The following BTBD16 variants were observed in gnomAD, a reference collection of about 807,000 sequenced individuals.
The protein encoded by BTBD16 is BTB/POZ domain-containing protein 16.
Under a neutral mutation model 67.4 loss-of-function variants are expected in BTBD16, and 66 were observed. The ratio of observed to expected loss-of-function variants is 0.98; its 90% confidence interval spans 0.80 to 1.20. The LOEUF is 1.20. Among genes scored for constraint, BTBD16 ranks in the 50% most tolerant of loss-of-function variants. The pLI is 0.00. For missense variants in BTBD16, 634 were observed against 616.0 expected (o/e 1.03, Z -0.31); for synonymous variants, 242 against 236.4 (o/e 1.02, Z -0.22).
chr10:122,292,764 C>T (rs2096376490), intron 7 of BTBD16, among the ~76,000 whole-genome samples: 1 of 152,206 alleles, frequency 6.6e-6, no homozygotes, highest in Non-Finnish European at 1.5e-5. Context: ...CAACAGTCTC[C>T]ATGACACCAG....
intron 9 of BTBD16, among the ~76,000 whole-genome samples, chr10:122,303,456 G>T (rs148265201): frequency 2.0e-5 from 3 of 152,226 alleles, no homozygotes; most frequent in East Asian, 1.9e-4. Flanking sequence ...AATTGTAAAG[G>T]GTTCTATTGA....
intron 10 of BTBD16, among the ~76,000 whole-genome samples, chr10:122,315,113 C>T (rs542164703): frequency 1.3e-5 from 2 of 152,178 alleles, no homozygotes; most frequent in East Asian, 1.9e-4. Context: ...CTAAATGGTT[C>T]TCAGATTTTC....
Position 122,332,343 on chromosome 10 carries a change from G to GT in BTBD16, c.1087-93_1087-92insT, listed in dbSNP as rs1205722589. On this transcript the variant is annotated intron_variant, in intron 12 of 15. Transcript: ENST00000260723. ...AAACTCTTTTTCAAACCTGGTGAGG[G>GT]GGGCAGGGGTCAAGGAAGAGGCATG... 8.8e-5 allele frequency: 103 copies of GT among 1,172,830 alleles called. No individual in the cohort carries two copies. In the East Asian group the frequency reaches 2.1e-3, roughly 24 times the overall value. The allele number at this position is 1,172,830 out of a possible 1,614,324, so 72.7% of individuals were successfully genotyped here. A position where few individuals can be genotyped will look rare whatever the true frequency, so the allele number is the denominator to read the frequency against.
At chr10:122,323,468 T>C (rs2096439002) in intron 10 of BTBD16, among the ~76,000 whole-genome samples, 1 of 152,204 alleles carries the variant, frequency 6.6e-6, no homozygotes, top group Non-Finnish European at 1.5e-5. Flanking sequence ...TTTTATGGTA[T>C]GTGGGACAGG....
chr10:122,275,773 T>C (rs113234442), intron 2 of BTBD16, among the ~76,000 whole-genome samples: 1 of 152,278 alleles, frequency 6.6e-6, no homozygotes, highest in Non-Finnish European at 1.5e-5. Context: ...CCATGCTGGG[T>C]ATCGTCCTTC....
chr10:122,331,085 C>T (rs980900707), intron 11 of BTBD16, 91 bp from the exon 12 acceptor site: 141 of 1,522,006 alleles, frequency 9.3e-5, no homozygotes, highest in Middle Eastern at 3.7e-4. Flanking sequence ...CCCTCAGCTC[C>T]GGACTTCTTC....
chr10:122,313,113 G>A (rs2096417122), intron 10 of BTBD16, among the ~76,000 whole-genome samples: 1 of 151,542 alleles, frequency 6.6e-6, no homozygotes, highest in Non-Finnish European at 1.5e-5. Context: ...CCTGATCCAG[G>A]TGATCTGCCT....
intron 8 of BTBD16, among the ~76,000 whole-genome samples, chr10:122,298,297 C>T (rs1197200907): frequency 6.6e-6 from 1 of 152,200 alleles, no homozygotes; most frequent in Non-Finnish European, 1.5e-5. Context: ...CTGACTTCAG[C>T]TCTCTCTGTA....
chr10:122,304,132 T>C (rs948284688), intron 9 of BTBD16, among the ~76,000 whole-genome samples: 10 of 152,160 alleles, frequency 6.6e-5, no homozygotes, highest in African/African-American at 2.4e-4. Flanking sequence ...TCATACCAAG[T>C]GCTCTGAGGA....
chr10:122,320,361 G>C (rs1203152340), intron 10 of BTBD16, among the ~76,000 whole-genome samples: 2 of 152,048 alleles, frequency 1.3e-5, no homozygotes, highest in Admixed American at 1.3e-4. Context: ...TCATGTTGAG[G>C]AGGTTCCTTT....
At chr10:122,319,943 A>G (rs2096432677) in intron 10 of BTBD16, among the ~76,000 whole-genome samples, 1 of 152,122 alleles carries the variant, frequency 6.6e-6, no homozygotes, top group Non-Finnish European at 1.5e-5. Flanking sequence ...ATTTATCTCT[A>G]AGGCTTTCAT....
chr10:122,301,755 GTGTGTGC>G (rs936254720), intron 9 of BTBD16, among the ~76,000 whole-genome samples: 6 of 152,244 alleles, frequency 3.9e-5, no homozygotes, highest in Admixed American at 3.3e-4. Flanking sequence ...TAACATTTTG[GTGTGTGC>G]TGTGTGCTAT....
At chr10:122,331,027 C>A in intron 11 of BTBD16, 149 bp from the exon 12 acceptor site, 3 of 966,022 alleles carry the variant, frequency 3.1e-6, no homozygotes, top group Non-Finnish European at 2.9e-6. Flanking sequence ...CGTTTTATTT[C>A]CACTTTGTCA....
chr10:122,273,203 TAAA>T (rs1397883678), intron 1 of BTBD16, among the ~76,000 whole-genome samples: 2 of 126,954 alleles, frequency 1.6e-5, no homozygotes, highest in East Asian at 2.4e-4. Flanking sequence ...TTCATAGAAA[TAAA>T]AACAGCAACA....
intron 6 of BTBD16, among the ~76,000 whole-genome samples, chr10:122,290,682 C>G (rs1203788612): frequency 6.6e-6 from 1 of 152,056 alleles, no homozygotes; most frequent in Non-Finnish European, 1.5e-5. Context: ...TCCCCAGACT[C>G]CAAGGAGAAT....
intron 10 of BTBD16, among the ~76,000 whole-genome samples, chr10:122,323,721 G>A (rs1243961705): frequency 6.6e-6 from 1 of 152,154 alleles, no homozygotes; most frequent in Non-Finnish European, 1.5e-5. Flanking sequence ...AATCAAAGAA[G>A]GTCGATGCTG....
intron 10 of BTBD16, among the ~76,000 whole-genome samples, chr10:122,327,944 C>T (rs1424399113): frequency 1.3e-5 from 2 of 152,220 alleles, no homozygotes; most frequent in South Asian, 2.1e-4. Flanking sequence ...GCCACAGCTC[C>T]AGCCGGGGCC....
chr10:122,295,202 G>C, intron 7 of BTBD16: 1 of 587,540 alleles, frequency 1.7e-6, no homozygotes, highest in African/African-American at 2.0e-5. Context: ...AAGAAGGAAG[G>C]CATGGAAATC....
At position 122,334,998 on chromosome 10, in the gene BTBD16, A is replaced by C. The variant is rs1273477987; in HGVS notation, c.1263+19A>C. ...CATGCAGGTAAGGATAGAGTGCATG[A>C]AAGTTATGTCTCTGAGACAGTCTTT... is the stretch of plus-strand genomic sequence containing the variant. On this transcript the variant is annotated intron_variant, in intron 14 of 15. Transcript: ENST00000260723. The C allele has an allele frequency of 1.7e-6, 2 of 1,191,924 alleles. No homozygotes were observed. Among genetic ancestry groups the C allele is most frequent in the Middle Eastern group, 1.9e-4 (1 of 5,172 alleles). 73.8% of individuals were successfully genotyped at this position (1,191,924 alleles called of 1,614,324 possible). A position where few individuals can be genotyped will look rare whatever the true frequency, so the allele number is the denominator to read the frequency against.
Sources: gnomAD v4.1 joint callset for allele counts (sites outside exome capture counted in the v4.1 genomes callset) on GRCh38, gnomAD v4.1.1 for gene constraint, MANE v1.5 for transcripts, NCBI Gene and HGNC (gene_info 2026-07-23, HGNC 2026-07-21) for gene names.